The following AGMO variants were observed in gnomAD, a reference collection of about 807,000 sequenced individuals.
The protein encoded by AGMO is alkylglycerol monooxygenase, also known as glyceryl-ether monooxygenase.
AGMO carries 75 observed loss-of-function variants against 60.2 expected under a neutral mutation model. The ratio of observed to expected loss-of-function variants is 1.25; its 90% CI spans 1.03 to 1.51. AGMO has a LOEUF of 1.51. Among genes scored for constraint, AGMO ranks in the 40% most tolerant of loss-of-function variants. The pLI is 0.00. For synonymous variants in AGMO, 261 were observed against 177.1 expected (o/e 1.47, Z -3.76); for missense variants, 763 against 525.5 (o/e 1.45, Z -4.42).
intron 12 of AGMO, among the ~76,000 whole-genome samples, chr7:15,278,734 C>T (rs1783872330): frequency 6.6e-6 from 1 of 152,196 alleles, no homozygotes; most frequent in African/African-American, 2.4e-5. Context: ...CTCACTCCCT[C>T]CCTGGTCCAG....
intron 3 of AGMO, among the ~76,000 whole-genome samples, chr7:15,440,320 C>G (rs546271632): frequency 6.6e-6 from 1 of 152,196 alleles, no homozygotes; most frequent in Non-Finnish European, 1.5e-5. Context: ...CTAAATACCA[C>G]TCAATCATAG....
At chr7:15,151,141 T>G in the AGMO span, among the ~76,000 whole-genome samples, 1 of 152,050 alleles carries the variant, frequency 6.6e-6, no homozygotes, top group Non-Finnish European at 1.5e-5. Context: ...TTTTGTTTGT[T>G]TGTTTTGTCC....
intron 12 of AGMO, among the ~76,000 whole-genome samples, chr7:15,296,142 G>C (rs1284868677): frequency 6.6e-6 from 1 of 151,854 alleles, no homozygotes; most frequent in Non-Finnish European, 1.5e-5. Flanking sequence ...GACTTTTATA[G>C]TGAATGGGAC....
intron 12 of AGMO, among the ~76,000 whole-genome samples, chr7:15,247,096 T>C (rs1027986453): frequency 2.0e-5 from 3 of 151,904 alleles, no homozygotes; most frequent in African/African-American, 7.3e-5. Flanking sequence ...TGAGCCACTG[T>C]GCCCAGCCTG....
At chr7:15,155,763 G>A in the AGMO span, among the ~76,000 whole-genome samples, 1 of 152,172 alleles carries the variant, frequency 6.6e-6, no homozygotes, top group Admixed American at 6.5e-5. Context: ...TGTGTGGGCC[G>A]ATGTTCCTTT....
intron 12 of AGMO, among the ~76,000 whole-genome samples, chr7:15,246,797 T>C (rs1163539880): frequency 2.0e-5 from 3 of 152,168 alleles, no homozygotes; most frequent in Non-Finnish European, 4.4e-5. Flanking sequence ...TAGCTAGCAT[T>C]CCTCTTCTCC....
At chr7:15,142,385 A>G in the AGMO span, among the ~76,000 whole-genome samples, 2 of 152,090 alleles carry the variant, frequency 1.3e-5, no homozygotes, top group Admixed American at 6.5e-5. Flanking sequence ...AGCTATAAAC[A>G]TTACTGTACA....
At chr7:15,150,037 G>C in the AGMO span, among the ~76,000 whole-genome samples, 1 of 151,976 alleles carries the variant, frequency 6.6e-6, no homozygotes, top group South Asian at 2.1e-4. Context: ...TGCATTTTTA[G>C]GTATTTTATT....
intron 3 of AGMO, among the ~76,000 whole-genome samples, chr7:15,516,640 C>T (rs1354531926): frequency 6.6e-6 from 1 of 152,184 alleles, no homozygotes; most frequent in Non-Finnish European, 1.5e-5. Flanking sequence ...TAACCTTATA[C>T]ATCTGTTGAG....
the AGMO span, among the ~76,000 whole-genome samples, chr7:15,141,690 G>A: frequency 6.6e-6 from 1 of 152,166 alleles, no homozygotes; most frequent in Admixed American, 6.5e-5. Context: ...AAATGGAAAT[G>A]CTGCAGATTT....
intron 12 of AGMO, among the ~76,000 whole-genome samples, chr7:15,297,751 A>G (rs1332064026): frequency 6.6e-6 from 1 of 152,190 alleles, no homozygotes; most frequent in Non-Finnish European, 1.5e-5. Flanking sequence ...GAATATTTCC[A>G]TGAAATTATT....
At chr7:15,119,931 C>G in the AGMO span, among the ~76,000 whole-genome samples, 1 of 142,970 alleles carries the variant, frequency 7.0e-6, no homozygotes, top group Non-Finnish European at 1.5e-5. Flanking sequence ...ATCATGCATG[C>G]TTTTTTTTTT....
chr7:15,248,223 T>TATA lies in AGMO; in HGVS notation c.1264-46865_1264-46864insTAT, dbSNP rs71004372. On this transcript the variant is annotated intron_variant, in intron 12 of 12. Transcript: ENST00000342526. ...ATATATATATATATATATATATATA[T>TATA]ATCTTCATCTTCAATTCTAGTCTAA... Among the ~76,000 whole-genome samples, 56 of 111,980 alleles carry TATA rather than the reference T, an allele frequency of 5.0e-4. 3 individuals are homozygous for TATA. Among genetic ancestry groups the TATA allele is most frequent in the Non-Finnish European group, 8.7e-4 (46 of 52,898 alleles). 73.5% of individuals were successfully genotyped at this position (111,980 alleles called of 152,430 possible).
chr7:15,270,182 C>A (rs1384356319), intron 12 of AGMO, among the ~76,000 whole-genome samples: 1 of 152,106 alleles, frequency 6.6e-6, no homozygotes. Flanking sequence ...TTTGAGAAAT[C>A]TCCACACTGT....
At chr7:15,545,803 C>A (rs1043968539) in intron 2 of AGMO, among the ~76,000 whole-genome samples, 1 of 151,816 alleles carries the variant, frequency 6.6e-6, no homozygotes, top group South Asian at 2.1e-4. Flanking sequence ...TTAAGATTAG[C>A]TTCTAGATGT....
At chr7:15,118,205 CACACAT>C in the AGMO span, among the ~76,000 whole-genome samples, 1 of 134,478 alleles carries the variant, frequency 7.4e-6, no homozygotes, top group Non-Finnish European at 1.7e-5. Context: ...CACACACACA[CACACAT>C]ATATACAAAC....
intron 10 of AGMO, among the ~76,000 whole-genome samples, chr7:15,372,997 C>G (rs1332366111): frequency 6.6e-6 from 1 of 152,122 alleles, no homozygotes; most frequent in East Asian, 1.9e-4. Flanking sequence ...TGTGTGGTGG[C>G]TCATGCCTAT....
rs187845876 is a variant in AGMO at position 15,449,543 on chromosome 7, G to C, written c.410-18435C>G. ...TGTCTTACAATTGCCTACATTATTT[G>C]GTACAGTAACATGCTGCACAGGTTT... On this transcript the variant is annotated intron_variant, in intron 3 of 12. Transcript: ENST00000342526. 4.6e-5 allele frequency among the ~76,000 whole-genome samples: 7 copies of C among 152,106 alleles called. No homozygotes were observed. The East Asian group carries it at 1.4e-3, about 29-fold the overall frequency.
intron 12 of AGMO, among the ~76,000 whole-genome samples, chr7:15,290,339 G>A (rs28710169): frequency 6.6e-6 from 1 of 152,128 alleles, no homozygotes; most frequent in East Asian, 1.9e-4. Context: ...AGATCTCTTA[G>A]AACACTTTTC....
Sources: gnomAD v4.1 joint callset for allele counts (sites outside exome capture counted in the v4.1 genomes callset) on GRCh38, gnomAD v4.1.1 for gene constraint, MANE v1.5 for transcripts, NCBI Gene and HGNC (gene_info 2026-07-23, HGNC 2026-07-21) for gene names.